The following GYG1 variants were observed in gnomAD, a reference collection of about 807,000 sequenced individuals.
GYG1 encodes glycogenin-1.
GYG1 carries 44 observed loss-of-function variants against 41.9 expected under a neutral mutation model. That is an observed-to-expected ratio of 1.05 (90% confidence interval 0.83 to 1.35). The LOEUF (loss-of-function observed/expected upper bound fraction) is 1.35, where lower values mean the gene tolerates loss of function less well. Ranked by LOEUF, GYG1 falls within the 40% of genes most tolerant of loss-of-function variation. The pLI is 0.00. For missense variants in GYG1, 429 were observed against 418.9 expected (o/e 1.02, Z -0.21); for synonymous variants, 141 against 158.1 (o/e 0.89, Z 0.81).
chr3:148,991,877 G>A (rs1712494233), intron 1 of GYG1, among the ~76,000 whole-genome samples: 1 of 152,230 alleles, frequency 6.6e-6, no homozygotes, highest in Non-Finnish European at 1.5e-5. Flanking sequence ...CCCTCGGCCG[G>A]AGCTCTCGTT....
At chr3:149,023,941 G>A (rs942945381) in intron 5 of GYG1, 112 bp from the exon 6 acceptor site, 1 of 776,740 alleles carries the variant, frequency 1.3e-6, no homozygotes. Flanking sequence ...GTGACAGAGT[G>A]AGACACTGTC....
At chr3:148,997,539 T>C (rs973408744) in intron 4 of GYG1, among the ~76,000 whole-genome samples, 33 of 152,362 alleles carry the variant, frequency 2.2e-4, no homozygotes, top group Middle Eastern at 3.4e-3. Context: ...GTCTGTGATA[T>C]AGGGCCTCAC....
chr3:149,015,856 A>T (rs1446590910), intron 5 of GYG1, among the ~76,000 whole-genome samples: 6 of 152,010 alleles, frequency 3.9e-5, no homozygotes, highest in Non-Finnish European at 5.9e-5. Flanking sequence ...GATAGGAATG[A>T]TGTTGGGGGT....
intron 4 of GYG1, 152 bp from the exon 5 acceptor site, chr3:149,009,124 A>G: frequency 1.7e-6 from 1 of 599,298 alleles, no homozygotes; most frequent in Non-Finnish European, 2.9e-6. Context: ...GTGCCACTGC[A>G]CTCCAGCTTG....
intron 5 of GYG1, among the ~76,000 whole-genome samples, chr3:149,017,914 C>CT (rs1206223438): frequency 6.6e-6 from 1 of 151,866 alleles, no homozygotes; most frequent in Non-Finnish European, 1.5e-5. Context: ...CGCCCAGCCT[C>CT]TATTTTGTTT....
rs1004038883 is a variant in GYG1, at chr3:149,024,078, C to T, written c.634C>T (p.His212Tyr). 1.2e-6 allele frequency: 2 copies of T among 1,614,134 alleles called. No homozygotes were observed. The highest frequency in any genetic ancestry group is 4.5e-5 in the East Asian group (2 of 44,892). ...GTTTGGTGCAAGTGCCAAAGTTGTGCATTTCCTGGGACGAGTCAAACCATG... is the reference window on the plus strand; with the variant it reads ...GTTTGGTGCAAGTGCCAAAGTTGTGTATTTCCTGGGACGAGTCAAACCATG... ...KVFGASAKVV[H>Y]FLGRVKPWNY... Residue 212 changes from histidine to tyrosine, a missense_variant, in exon 6 of 8, where the codon CAT becomes TAT. Transcript: ENST00000345003.
chr3:149,010,223 G>C (rs1466180462), intron 5 of GYG1, among the ~76,000 whole-genome samples: 3 of 152,150 alleles, frequency 2.0e-5, no homozygotes, highest in Admixed American at 1.3e-4. Flanking sequence ...TACCTCATAG[G>C]GTTGTCAGGA....
chr3:149,001,420 C>T (rs556468128), intron 4 of GYG1: 1 of 152,174 alleles, frequency 6.6e-6, no homozygotes, highest in South Asian at 2.1e-4. Flanking sequence ...TGTCACTGTA[C>T]CCGTGAATAT....
At chr3:149,023,774 C>T (rs138032264) in intron 5 of GYG1, among the ~76,000 whole-genome samples, 430 of 152,136 alleles carry the variant, frequency 2.8e-3, no homozygotes, top group Non-Finnish European at 4.1e-3. Flanking sequence ...ACTTCAGGGC[C>T]GGGAGTTCAA....
At chr3:149,011,887 G>A (rs976230680) in intron 5 of GYG1, among the ~76,000 whole-genome samples, 3 of 152,182 alleles carry the variant, frequency 2.0e-5, no homozygotes, top group Non-Finnish European at 2.9e-5. Flanking sequence ...GCCCAGGGCC[G>A]GCTGGAGATG....
intron 5 of GYG1, among the ~76,000 whole-genome samples, chr3:149,021,462 A>G (rs1382188698): frequency 1.3e-5 from 2 of 152,206 alleles, no homozygotes; most frequent in Non-Finnish European, 2.9e-5. Context: ...TGGAATGATC[A>G]ATTAACCTTA....
At chr3:149,014,577 T>C (rs1713915023) in intron 5 of GYG1, among the ~76,000 whole-genome samples, 1 of 151,886 alleles carries the variant, frequency 6.6e-6, no homozygotes, top group African/African-American at 2.4e-5. Flanking sequence ...GGTGGATCTC[T>C]TGAGCCCAAG....
rs551249051 is a variant in GYG1 at position 149,029,759 on chromosome 3, G to A, written c.*2826G>A. Among the ~76,000 whole-genome samples the A allele has an allele frequency of 4.6e-5, 7 of 152,280 alleles. No homozygotes were observed. The East Asian group carries it at 1.2e-3, about 25-fold the overall frequency. On this transcript the variant is annotated 3_prime_UTR_variant, in exon 8 of 8. Transcript: ENST00000345003. ...GTACTCACTGGTAACAAACTACATA[G>A]GGTTAGTTTGTATTTCCAATTCTAG...
chr3:149,005,962 G>A (rs1713378879), intron 4 of GYG1, among the ~76,000 whole-genome samples: 1 of 151,940 alleles, frequency 6.6e-6, no homozygotes, highest in Admixed American at 6.6e-5. Flanking sequence ...CTGTGTGTAT[G>A]TGTATATGTA....
rs953746952 is a variant in GYG1, at chr3:149,027,687, A to G, written c.*754A>G. 3.3e-5 allele frequency: 5 copies of G among 152,232 alleles called. No homozygotes were observed. The highest frequency in any genetic ancestry group is 7.2e-5 in the African/African-American group (3 of 41,464). The allele number at this position is 152,232 out of a possible 1,614,324, so 9.4% of individuals were successfully genotyped here. On this transcript the variant is annotated 3_prime_UTR_variant, in exon 8 of 8. Coordinates refer to ENST00000345003, the MANE Select transcript of GYG1 (RefSeq NM_004130.4). ...TCACCATACACCCTTGAACAAATCT[A>G]TTAGGGAATTTTTCACAATTTTTGG...
At position 148,991,565 on chromosome 3, in the gene GYG1, G is replaced by A; in HGVS notation, c.-76G>A. 6.5e-7 allele frequency: 1 copy of A among 1,529,340 alleles called. No homozygotes were observed. Among genetic ancestry groups the A allele is most frequent in the Non-Finnish European group, 8.7e-7 (1 of 1,143,620 alleles). 94.7% of individuals were successfully genotyped at this position (1,529,340 alleles called of 1,614,324 possible). ...TCCCCGCCGTGCCTCCTCGCTGGCC[G>A]CGCTCCCTCCCGGTGCCGGCTTCTC... On this transcript the variant is annotated 5_prime_UTR_variant, in exon 1 of 8. Coordinates refer to ENST00000345003, the MANE Select transcript of GYG1 (RefSeq NM_004130.4).
intron 5 of GYG1, among the ~76,000 whole-genome samples, chr3:149,014,990 A>G (rs950520409): frequency 1.3e-5 from 2 of 152,128 alleles, no homozygotes; most frequent in Non-Finnish European, 2.9e-5. Flanking sequence ...TTAATTGTCA[A>G]TGCTTTAAAA....
intron 6 of GYG1, 57 bp downstream of exon 6, chr3:149,024,329 G>GT: frequency 9.7e-7 from 1 of 1,035,600 alleles, no homozygotes; most frequent in Non-Finnish European, 1.5e-6. Context: ...AAAAATTGTT[G>GT]TATCAATAGA....
rs6802828 is a variant in GYG1, at chr3:148,997,107, T to C, written c.481+203T>C. On this transcript the variant is annotated intron_variant, in intron 4 of 7. Coordinates refer to ENST00000345003, the MANE Select transcript of GYG1 (RefSeq NM_004130.4). ...GTAAATGCATCTTTTTCTATAGATG[T>C]GAAAGATTAACCTAAACTATGATAG... is the stretch of plus-strand genomic sequence containing the variant. Among the ~76,000 whole-genome samples the C allele has an allele frequency of 0.44, 66,583 of 151,824 alleles. 16,492 individuals are homozygous for C. Among genetic ancestry groups the C allele is most frequent in the African/African-American group, 0.69 (28,364 of 41,350 alleles).
Sources: gnomAD v4.1 joint callset for allele counts (sites outside exome capture counted in the v4.1 genomes callset) on GRCh38, gnomAD v4.1.1 for gene constraint, MANE v1.5 for transcripts, NCBI Gene and HGNC (gene_info 2026-07-23, HGNC 2026-07-21) for gene names.